The following THAP9 variants were observed in gnomAD, a reference collection of about 807,000 sequenced individuals.
The protein encoded by THAP9 is DNA transposase THAP9.
THAP9 carries 20 observed loss-of-function variants against 35.7 expected under a neutral mutation model. The observed-to-expected ratio is 0.56, with a 90% confidence interval of 0.39 to 0.81. THAP9 has a LOEUF of 0.81. Among genes scored for constraint, THAP9 ranks in the 40% least tolerant of loss-of-function variants. The pLI is 0.00. For synonymous variants in THAP9, 335 were observed against 373.7 expected (o/e 0.90, Z 1.19); for missense variants, 870 against 1,047.4 (o/e 0.83, Z 2.34).
chr4:82,909,088 G>A (rs1207983669), intron 4 of THAP9, among the ~76,000 whole-genome samples: 2 of 150,740 alleles, frequency 1.3e-5, no homozygotes, highest in Non-Finnish European at 2.9e-5. Context: ...TATATTTTTA[G>A]TAGAGGTGGG....
At position 82,919,163 on chromosome 4, in the gene THAP9, A is replaced by G. The variant is rs950277080; in HGVS notation, c.*239A>G. On this transcript the variant is annotated 3_prime_UTR_variant, in exon 5 of 5. Coordinates refer to ENST00000302236, the MANE Select transcript of THAP9 (RefSeq NM_024672.6). ...TAGGTCAGTAGGAGCAAACTAGCCA[A>G]CAGGTACTGTCTTTGAATTTACTAC... 1.1e-5 allele frequency: 4 copies of G among 358,956 alleles called. No individual in the cohort carries two copies. The highest frequency in any genetic ancestry group is 8.6e-5 in the Admixed American group (2 of 23,198). The allele number at this position is 358,956 out of a possible 1,614,324, so 22.2% of individuals were successfully genotyped here.
chr4:82,916,321 G>A (rs145426898), intron 4 of THAP9, among the ~76,000 whole-genome samples: 66 of 152,306 alleles, frequency 4.3e-4, no homozygotes, highest in African/African-American at 1.5e-3. Flanking sequence ...GAAGAGCAGG[G>A]ATACTATGAA....
Position 82,918,986 on chromosome 4 carries a change from A to ATT in THAP9, c.*64_*65dup. 1 of 1,334,262 alleles carries ATT rather than the reference A, an allele frequency of 7.5e-7. No homozygotes were observed. Among genetic ancestry groups the ATT allele is most frequent in the Non-Finnish European group, 1.0e-6 (1 of 978,092 alleles). The allele number at this position is 1,334,262 out of a possible 1,614,324, so 82.7% of individuals were successfully genotyped here. A position where few individuals can be genotyped will look rare whatever the true frequency, so the allele number is the denominator to read the frequency against. On this transcript the variant is annotated 3_prime_UTR_variant, in exon 5 of 5. Coordinates refer to ENST00000302236, the MANE Select transcript of THAP9 (RefSeq NM_024672.6). Reference sequence around the variant, plus strand: ...CTTGATCAACATTTTTTGAAGTTCAATTTACCATATTTTATAAATTGCGCA... The same window carrying ATT: ...CTTGATCAACATTTTTTGAAGTTCAATTTTTACCATATTTTATAAATTGCGCA...
intron 4 of THAP9, chr4:82,910,270 A>G (rs1419202172): frequency 6.6e-6 from 1 of 152,098 alleles, no homozygotes; most frequent in Non-Finnish European, 1.5e-5. Context: ...TACTTTGCCT[A>G]TAAGTAAGGT....
At position 82,901,651 on chromosome 4, in the gene THAP9, G is replaced by A. The variant is rs79161678; in HGVS notation, c.80+769G>A. ...GTACCTGAGAAACCATTTTAAAAATGTAAATGCCAGGTTAAGGAGTTTAGA... is the reference window on the plus strand; with the variant it reads ...GTACCTGAGAAACCATTTTAAAAATATAAATGCCAGGTTAAGGAGTTTAGA... On this transcript the variant is annotated intron_variant, in intron 1 of 4. Coordinates refer to ENST00000302236, the MANE Select transcript of THAP9 (RefSeq NM_024672.6). Among the ~76,000 whole-genome samples, 1,093 of 152,160 alleles carry A rather than the reference G, an allele frequency of 7.2e-3. 15 individuals carry two copies. Among genetic ancestry groups the A allele is most frequent in the Middle Eastern group, 0.01 (3 of 294 alleles).
Position 82,907,719 on chromosome 4 carries a change from A to G in THAP9, c.581-66A>G, listed in dbSNP as rs186181530. On this transcript the variant is annotated intron_variant, in intron 3 of 4. Coordinates refer to ENST00000302236, the MANE Select transcript of THAP9 (RefSeq NM_024672.6). ...GATGCCCAGTGCATTTTATATCCAAATGCTATAATCTGTACCTGAAAATTT... is the reference window on the plus strand; with the variant it reads ...GATGCCCAGTGCATTTTATATCCAAGTGCTATAATCTGTACCTGAAAATTT... The G allele has an allele frequency of 7.0e-3, 8,463 of 1,205,684 alleles. 58 individuals carry two copies. The highest frequency in any genetic ancestry group is 9.7e-3 in the Middle Eastern group (35 of 3,596). The allele number at this position is 1,205,684 out of a possible 1,614,324, so 74.7% of individuals were successfully genotyped here. A position where few individuals can be genotyped will look rare whatever the true frequency, so the allele number is the denominator to read the frequency against.
chr4:82,902,263 C>CTTT (rs756304657), intron 1 of THAP9, among the ~76,000 whole-genome samples: 1 of 137,464 alleles, frequency 7.3e-6, no homozygotes, highest in Non-Finnish European at 1.6e-5. Context: ...ACCATCCCGG[C>CTTT]TTTTTTTTTT....
In THAP9 at chr4:82,906,638, CT is replaced by C; in HGVS notation, c.580+12del. ...GAGCTCAATTTTCAGGTACTTCCCCCTAGTAACCTGTAGTATTTACAAAAAT... is the reference window on the plus strand; with the variant it reads ...GAGCTCAATTTTCAGGTACTTCCCCCAGTAACCTGTAGTATTTACAAAAAT... On this transcript the variant is annotated intron_variant, in intron 3 of 4. Coordinates refer to ENST00000302236, the MANE Select transcript of THAP9 (RefSeq NM_024672.6). The C allele has an allele frequency of 6.4e-7, 1 of 1,573,214 alleles. No homozygotes were observed. Among genetic ancestry groups the C allele is most frequent in the Non-Finnish European group, 8.6e-7 (1 of 1,161,342 alleles).
At chr4:82,914,400 C>G (rs945706747) in intron 4 of THAP9, among the ~76,000 whole-genome samples, 2 of 152,178 alleles carry the variant, frequency 1.3e-5, no homozygotes, top group Admixed American at 1.3e-4. Flanking sequence ...TGAGGAATCA[C>G]TTTCCACAAC....
intron 1 of THAP9, among the ~76,000 whole-genome samples, chr4:82,903,238 T>C (rs532275396): frequency 6.6e-6 from 1 of 152,366 alleles, no homozygotes; most frequent in South Asian, 2.1e-4. Context: ...TTTCTTTTCT[T>C]TTTTGAGATG....
In THAP9 at chr4:82,917,046, A is replaced by G. The variant is rs368120049; in HGVS notation, c.834A>G (p.Ser278=). The G allele has an allele frequency of 1.6e-5, 25 of 1,611,698 alleles. No homozygotes were observed. Among genetic ancestry groups the G allele is most frequent in the African/African-American group, 1.3e-4 (10 of 74,774 alleles). ...GAGATCAGCTCTATCAATACTGTTC[A>G]TTGTTAATAAAAAGTATGCCTCTCA... The part of the protein sequence containing the change: ...ENGDQLYQYC[S]LLIKSMPLKQ... The change falls in exon 5 of 5, where the codon TCA becomes TCG. Residue 278 remains serine, a synonymous_variant. Coordinates refer to ENST00000302236, the MANE Select transcript of THAP9 (RefSeq NM_024672.6).
rs375861329 is a variant in THAP9 at position 82,902,183 on chromosome 4, A to T, written c.80+1301A>T. Among the ~76,000 whole-genome samples, 29 of 131,686 alleles carry T rather than the reference A, an allele frequency of 2.2e-4. 1 individual carries two copies. The East Asian group carries it at 4.2e-3, about 19-fold the overall frequency. 86.4% of individuals were successfully genotyped at this position (131,686 alleles called of 152,430 possible). ...GAGAGCAGTGGCACTATCACAGCTC[A>T]GCGCAGCCTCTATCTCCCAGGCTCA... On this transcript the variant is annotated intron_variant, in intron 1 of 4. Coordinates refer to ENST00000302236, the MANE Select transcript of THAP9 (RefSeq NM_024672.6).
At chr4:82,904,667 A>G (rs1578444775) in intron 1 of THAP9, 69 bp from the exon 2 acceptor site, 1 of 1,411,530 alleles carries the variant, frequency 7.1e-7, no homozygotes, top group East Asian at 2.4e-5. Context: ...ATGGGTTTAT[A>G]TAATAAATAC....
rs779371009 is a variant in THAP9, at chr4:82,907,815, A to C, written c.611A>C (p.Glu204Ala). 1 of 1,600,192 alleles carries C rather than the reference A, an allele frequency of 6.2e-7. No homozygotes were observed. Among genetic ancestry groups the C allele is most frequent in the Non-Finnish European group, 8.5e-7 (1 of 1,175,648 alleles). Residue 204 changes from glutamate to alanine, a missense_variant, in exon 4 of 5, where the codon GAA (glutamate) becomes GCA (alanine). This residue lies in a region of THAP9 where 440 missense variants were observed against 501.2 expected (regional missense o/e 0.88). Coordinates refer to ENST00000302236, the MANE Select transcript of THAP9 (RefSeq NM_024672.6). ...AAGTGGGAGTTATATAATTGGAGAG[A>C]AACAGATGAGTACTCCGCAGAAATG... ...DFKWELYNWR[E>A]TDEYSAEMKQ...
Position 82,919,188 on chromosome 4 carries a change from C to T in THAP9, c.*264C>T. ...ACAGGTACTGTCTTTGAATTTACTA[C>T]TGTAAGACTAAGCAGTGTTACTGGA... On this transcript the variant is annotated 3_prime_UTR_variant, in exon 5 of 5. Transcript: ENST00000302236. 3.5e-6 allele frequency: 1 copy of T among 289,650 alleles called. No individual in the cohort carries two copies. Among genetic ancestry groups the T allele is most frequent in the Non-Finnish European group, 6.4e-6 (1 of 156,056 alleles). The allele number at this position is 289,650 out of a possible 1,614,324, so 17.9% of individuals were successfully genotyped here.
chr4:82,916,035 CAATT>C (rs1721023354), intron 4 of THAP9, among the ~76,000 whole-genome samples: 1 of 152,128 alleles, frequency 6.6e-6, no homozygotes, highest in African/African-American at 2.4e-5. Flanking sequence ...ATTAAACTCT[CAATT>C]AAGTAGAGGT....
intron 4 of THAP9, among the ~76,000 whole-genome samples, chr4:82,913,007 G>A (rs1310713476): frequency 4.6e-5 from 7 of 152,136 alleles, no homozygotes; most frequent in Admixed American, 1.3e-4. Flanking sequence ...TATACATAAA[G>A]ACATTAACAG....
chr4:82,916,883 C>G, intron 4 of THAP9, 61 bp from the exon 5 acceptor site: 1 of 1,423,458 alleles, frequency 7.0e-7, no homozygotes, highest in Middle Eastern at 1.9e-4. Context: ...GTGCTTAAGG[C>G]ATTTTCCCAT....
chr4:82,910,576 G>T (rs1363234582), intron 4 of THAP9: 1 of 255,592 alleles, frequency 3.9e-6, no homozygotes, highest in Non-Finnish European at 7.0e-6. Context: ...TATATTAATG[G>T]TATATACGTT....
Sources: gnomAD v4.1 joint callset for allele counts (sites outside exome capture counted in the v4.1 genomes callset) on GRCh38, gnomAD v4.1.1 for gene constraint, gnomAD v4.1.1 regional missense constraint, MANE v1.5 for transcripts, NCBI Gene and HGNC (gene_info 2026-07-23, HGNC 2026-07-21) for gene names.